The following DYNLT2 variants were observed in gnomAD, a reference collection of about 807,000 sequenced individuals.
The protein encoded by DYNLT2 is dynein light chain Tctex-type protein 2.
In DYNLT2, 24 loss-of-function variants were observed where a neutral mutation model predicts 24.3. The ratio of observed to expected loss-of-function variants is 0.99; its 90% CI spans 0.71 to 1.39. DYNLT2 has a LOEUF of 1.39. Among genes scored for constraint, DYNLT2 ranks in the 40% most tolerant of loss-of-function variants. The pLI is 0.00. For synonymous variants in DYNLT2, 85 were observed against 85.4 expected (o/e 1.00, Z 0.03); for missense variants, 246 against 234.5 (o/e 1.05, Z -0.32).
chr6:169,732,936 G>A, the DYNLT2 span, among the ~76,000 whole-genome samples: 9 of 152,142 alleles, frequency 5.9e-5, no homozygotes, highest in African/African-American at 1.2e-4. Context: ...CTACAGCCTC[G>A]CCAGCATCCA....
At position 169,744,203 on chromosome 6, in the gene DYNLT2, A is replaced by G; in HGVS notation, c.192T>C (p.Asp64=). The change falls in exon 2 of 4, where the codon GAT becomes GAC. Residue 64 remains aspartate, a synonymous_variant. Coordinates refer to ENST00000366774, the MANE Select transcript of DYNLT2 (RefSeq NM_174910.3). ...HNVQYVEPPF[D]DSIADIGKEW... ...CTTTACCTATATCAGCAATTGAGTCATCAAAAGGAGGCTCCACATACTGAA... is the reference window on the plus strand; with the variant it reads ...CTTTACCTATATCAGCAATTGAGTCGTCAAAAGGAGGCTCCACATACTGAA... The G allele has an allele frequency of 6.2e-7, 1 of 1,613,768 alleles. No individual in the cohort carries two copies. The highest frequency in any genetic ancestry group is 8.5e-7 in the Non-Finnish European group (1 of 1,179,976).
intron 1 of DYNLT2, among the ~76,000 whole-genome samples, chr6:169,749,321 G>C (rs1223780687): frequency 6.6e-6 from 1 of 152,172 alleles, no homozygotes; most frequent in African/African-American, 2.4e-5. Context: ...GGCTGGTTTT[G>C]AACTCCTGAC....
At chr6:169,751,264 G>C (rs1440759594) in intron 1 of DYNLT2, 75 bp downstream of exon 1, 4 of 1,538,710 alleles carry the variant, frequency 2.6e-6, no homozygotes, top group Non-Finnish European at 2.6e-6. Flanking sequence ...GACGGGAGCG[G>C]GGCCCACTGG....
At chr6:169,734,966 G>A in the DYNLT2 span, among the ~76,000 whole-genome samples, 2 of 152,028 alleles carry the variant, frequency 1.3e-5, no homozygotes, top group South Asian at 4.1e-4. Flanking sequence ...CAGTTTCAGA[G>A]CTTCTTATTG....
chr6:169,734,676 G>A, the DYNLT2 span, among the ~76,000 whole-genome samples: 324 of 152,324 alleles, frequency 2.1e-3, no homozygotes, highest in Non-Finnish European at 3.4e-3. Flanking sequence ...TGTGCTGCTG[G>A]ATTCGGTTGG....
At chr6:169,731,454 GA>G in the DYNLT2 span, among the ~76,000 whole-genome samples, 1 of 152,138 alleles carries the variant, frequency 6.6e-6, no homozygotes. Flanking sequence ...GTAAGGCAAA[GA>G]AAATAGGCCC....
the DYNLT2 span, among the ~76,000 whole-genome samples, chr6:169,729,773 C>T: frequency 3.3e-5 from 5 of 152,060 alleles, no homozygotes; most frequent in Non-Finnish European, 5.9e-5. Context: ...GATTCATATT[C>T]CTTCTCTTTC....
At chr6:169,735,232 C>A (rs1265924955), downstream of DYNLT2, among the ~76,000 whole-genome samples, 1 of 151,810 alleles carries the variant, frequency 6.6e-6, no homozygotes, top group African/African-American at 2.4e-5. Context: ...TTTCAAAAAA[C>A]CAGCTCCTGG....
rs1231024922 is a variant in DYNLT2 at position 169,743,239 on chromosome 6, C to T, written c.328-1G>A. On this transcript the variant is annotated splice_acceptor_variant, in intron 2 of 3. Transcript: ENST00000366774. LOFTEE classifies it high-confidence loss of function. Reference sequence around the variant, plus strand: ...CATATTTGACATCTTTAAGACTTTCCTTTAAGAAAATTTAAGAAAAATACT... The same window carrying T: ...CATATTTGACATCTTTAAGACTTTCTTTTAAGAAAATTTAAGAAAAATACT... 2 of 1,449,978 alleles carry T rather than the reference C, an allele frequency of 1.4e-6. No individual in the cohort carries two copies. The highest frequency in any genetic ancestry group is 2.3e-5 in the Admixed American group (1 of 43,030). The allele number at this position is 1,449,978 out of a possible 1,614,324, so 89.8% of individuals were successfully genotyped here.
At chr6:169,748,116 T>C (rs1789852539) in intron 1 of DYNLT2, among the ~76,000 whole-genome samples, 1 of 152,180 alleles carries the variant, frequency 6.6e-6, no homozygotes, top group Admixed American at 6.5e-5. Flanking sequence ...CTGTTCCTTT[T>C]GGGTGATTCT....
downstream of DYNLT2, among the ~76,000 whole-genome samples, chr6:169,739,233 G>T (rs1314898191): frequency 2.2e-5 from 3 of 139,450 alleles, no homozygotes; most frequent in African/African-American, 2.7e-5. Flanking sequence ...TTTTTTAAGA[G>T]ATGGAGTCTT....
At chr6:169,737,464 T>C (rs894011556), downstream of DYNLT2, among the ~76,000 whole-genome samples, 8 of 152,202 alleles carry the variant, frequency 5.3e-5, no homozygotes, top group African/African-American at 1.9e-4. Context: ...TTTGTCTAGT[T>C]TTGGTCTTTG....
chr6:169,738,385 G>A (rs563563701), downstream of DYNLT2, among the ~76,000 whole-genome samples: 154 of 152,350 alleles, frequency 1.0e-3, no homozygotes, highest in African/African-American at 3.4e-3. Context: ...ACGAATCTGC[G>A]CGTTCCAGGG....
chr6:169,738,706 T>G (rs1436335015), downstream of DYNLT2: 5 of 152,352 alleles, frequency 3.3e-5, no homozygotes, highest in Admixed American at 2.6e-4. Context: ...GCCTCCTACA[T>G]GGTGCTGCTT....
intron 1 of DYNLT2, among the ~76,000 whole-genome samples, chr6:169,749,023 A>C (rs1789878762): frequency 6.6e-6 from 1 of 152,220 alleles, no homozygotes; most frequent in South Asian, 2.1e-4. Flanking sequence ...TTGAGCCTAC[A>C]TATAGCCCTA....
chr6:169,751,235 C>T, intron 1 of DYNLT2, 104 bp downstream of exon 1: 1 of 1,491,792 alleles, frequency 6.7e-7, no homozygotes, highest in Non-Finnish European at 9.0e-7. Flanking sequence ...GATGCTGCCT[C>T]CTTGGCTCTG....
At chr6:169,730,239 C>T in the DYNLT2 span, among the ~76,000 whole-genome samples, 1 of 152,072 alleles carries the variant, frequency 6.6e-6, no homozygotes, top group Non-Finnish European at 1.5e-5. Flanking sequence ...ATGTTGAAGT[C>T]CCAAGGAAAG....
downstream of DYNLT2, among the ~76,000 whole-genome samples, chr6:169,735,536 ATT>A (rs1479591471): frequency 1.3e-5 from 2 of 152,072 alleles, no homozygotes; most frequent in Non-Finnish European, 2.9e-5. Context: ...TAGTTTCATT[ATT>A]TACCCAGGAG....
chr6:169,746,237 C>A (rs1487533990), intron 1 of DYNLT2, among the ~76,000 whole-genome samples: 2 of 152,152 alleles, frequency 1.3e-5, no homozygotes, highest in South Asian at 4.1e-4. Context: ...TACCTGATTT[C>A]AATTTCATCA....
Sources: allele counts gnomAD v4.1 joint callset (sites outside exome capture counted in the v4.1 genomes callset), GRCh38; gene constraint gnomAD v4.1.1; transcripts MANE v1.5; gene names NCBI Gene and HGNC (gene_info 2026-07-23, HGNC 2026-07-21).